TMEM207: variants seen among roughly 807,000 people sequenced by gnomAD.
TMEM207 encodes the protein SRSR846.
TMEM207 carries 15 observed loss-of-function variants against 17.4 expected under a neutral mutation model. The observed-to-expected ratio is 0.86, with a 90% CI of 0.58 to 1.33. TMEM207 has a LOEUF of 1.33. Among genes scored for constraint, TMEM207 ranks in the 40% most tolerant of loss-of-function variants. TMEM207 has a pLI of 0.00. For synonymous variants in TMEM207, 70 were observed against 65.6 expected (o/e 1.07, Z -0.33); for missense variants, 205 against 173.8 (o/e 1.18, Z -1.01).
intron 4 of TMEM207, among the ~76,000 whole-genome samples, chr3:190,434,392 G>T (rs941245146): frequency 2.6e-5 from 4 of 151,964 alleles, no homozygotes; most frequent in East Asian, 1.9e-4. Flanking sequence ...TTTTATCAGG[G>T]GTTTCCACTT....
At chr3:190,447,166 G>A (rs1720069751) in intron 2 of TMEM207, among the ~76,000 whole-genome samples, 1 of 152,022 alleles carries the variant, frequency 6.6e-6, no homozygotes, top group Non-Finnish European at 1.5e-5. Flanking sequence ...CTGCAAGCAG[G>A]AGAAGATAGT....
chr3:190,439,958 C>T (rs1318828333), intron 4 of TMEM207, among the ~76,000 whole-genome samples: 1 of 152,154 alleles, frequency 6.6e-6, no homozygotes, highest in Non-Finnish European at 1.5e-5. Context: ...CCTGGACTGC[C>T]CAGCCCTGCA....
At chr3:190,446,199 T>C (rs1720041403) in intron 2 of TMEM207, among the ~76,000 whole-genome samples, 2 of 152,214 alleles carry the variant, frequency 1.3e-5, no homozygotes, top group Admixed American at 6.5e-5. Flanking sequence ...TATGGTCTCT[T>C]GGCTGGGTAG....
At chr3:190,436,402 T>C (rs539243969) in intron 4 of TMEM207, among the ~76,000 whole-genome samples, 7 of 152,298 alleles carry the variant, frequency 4.6e-5, no homozygotes, top group Admixed American at 3.9e-4. Flanking sequence ...TTCCAGAGAT[T>C]TCTCATTTTT....
At chr3:190,432,368 G>A (rs1023860702) in intron 4 of TMEM207, among the ~76,000 whole-genome samples, 26 of 152,148 alleles carry the variant, frequency 1.7e-4, no homozygotes, top group Non-Finnish European at 3.5e-4. Context: ...TAATCTCTAA[G>A]TGCCTTTGTT....
intron 1 of TMEM207, among the ~76,000 whole-genome samples, chr3:190,448,234 T>C (rs986030460): frequency 2.0e-5 from 3 of 152,020 alleles, no homozygotes; most frequent in Non-Finnish European, 4.4e-5. Context: ...AAGTTCCAAG[T>C]ACATACATGG....
chr3:190,440,281 C>T lies in TMEM207; in HGVS notation c.267G>A (p.Met89Ile). 3 of 1,614,058 alleles carry T rather than the reference C, an allele frequency of 1.9e-6. No individual in the cohort carries two copies. The highest frequency in any genetic ancestry group is 2.5e-6 in the Non-Finnish European group (3 of 1,179,992). ...CCAAGTCTCCAACAGCAAAAACTGC[C>T]ATGGTGCGCCTGTGAGAATCAATTC... ...RPRIDSHRRT[M>I]AVFAVGDLDS... Residue 89 changes from methionine (M) to isoleucine (I), a missense_variant, in exon 4 of 5, where the codon ATG becomes ATA. Met to Ile is a conservative substitution (Grantham distance 10). Transcript: ENST00000354905.
chr3:190,447,911 G>A, intron 1 of TMEM207, 84 bp from the exon 2 acceptor site: 1 of 1,283,544 alleles, frequency 7.8e-7, no homozygotes, highest in African/African-American at 1.5e-5. Flanking sequence ...AGACAATGTG[G>A]GTTTATATCA....
chr3:190,428,660 G>C lies in TMEM207; in HGVS notation c.*935C>G, dbSNP rs1174046755. On this transcript the variant is annotated 3_prime_UTR_variant, in exon 5 of 5. Transcript: ENST00000354905. ...ATAAGTTTGGTCAAACTAAATTTTAGATATCTATTGATGTTTATTGTTTTG... is the reference window on the plus strand; with the variant it reads ...ATAAGTTTGGTCAAACTAAATTTTACATATCTATTGATGTTTATTGTTTTG... The C allele has an allele frequency of 6.6e-6, 1 of 152,166 alleles. No homozygotes were observed. Among genetic ancestry groups the C allele is most frequent in the African/African-American group, 2.4e-5 (1 of 41,440 alleles). 9.4% of individuals were successfully genotyped at this position (152,166 alleles called of 1,614,324 possible).
chr3:190,447,759 A>G (rs748923223), intron 2 of TMEM207, 31 bp downstream of exon 2: 2 of 1,605,632 alleles, frequency 1.2e-6, no homozygotes, highest in South Asian at 1.1e-5. Context: ...AATGCGAAAT[A>G]AAAACATGGA....
intron 2 of TMEM207, among the ~76,000 whole-genome samples, chr3:190,445,831 TTTTG>T (rs900850333): frequency 3.5e-4 from 53 of 152,120 alleles, no homozygotes; most frequent in African/African-American, 1.1e-3. Flanking sequence ...GGTCGACCAG[TTTTG>T]TTTGTTTGTT....
chr3:190,439,798 G>A (rs376320067), intron 4 of TMEM207, among the ~76,000 whole-genome samples: 5 of 152,232 alleles, frequency 3.3e-5, no homozygotes, highest in Admixed American at 6.5e-5. Flanking sequence ...TGCATTGACC[G>A]CAGACATCTG....
intron 4 of TMEM207, among the ~76,000 whole-genome samples, chr3:190,430,528 T>C (rs1719670254): frequency 1.3e-5 from 2 of 151,104 alleles, no homozygotes; most frequent in South Asian, 4.1e-4. Flanking sequence ...TTTATATATA[T>C]ATATATGTAT....
intron 4 of TMEM207, among the ~76,000 whole-genome samples, chr3:190,434,823 G>T (rs1719766211): frequency 1.3e-5 from 2 of 152,206 alleles, no homozygotes; most frequent in African/African-American, 4.8e-5. Flanking sequence ...GGATCCAGAA[G>T]ATGAGTGAAG....
chr3:190,448,494 A>G (rs771094351), intron 1 of TMEM207, among the ~76,000 whole-genome samples: 5 of 152,140 alleles, frequency 3.3e-5, no homozygotes, highest in Non-Finnish European at 7.4e-5. Flanking sequence ...AGGTTACAAC[A>G]TCTCATATAC....
chr3:190,438,960 C>T (rs537254577), intron 4 of TMEM207, among the ~76,000 whole-genome samples: 265 of 152,058 alleles, frequency 1.7e-3, no homozygotes, highest in African/African-American at 6.0e-3. Context: ...GAGGCCGAGG[C>T]GGGCGGATCA....
chr3:190,429,527 T>C lies in TMEM207; in HGVS notation c.*68A>G, dbSNP rs533500241. 1.2e-5 allele frequency: 19 copies of C among 1,574,566 alleles called. No homozygotes were observed. In the Admixed American group the frequency reaches 3.2e-4, roughly 27 times the overall value. ...ACATTTCCAACAACTGAAATAACTATTCCTAAATTTGATGTTTTGGAATTA... is the reference window on the plus strand; with the variant it reads ...ACATTTCCAACAACTGAAATAACTACTCCTAAATTTGATGTTTTGGAATTA... On this transcript the variant is annotated 3_prime_UTR_variant, in exon 5 of 5. Transcript: ENST00000354905.
chr3:190,446,210 T>C (rs991858089), intron 2 of TMEM207, among the ~76,000 whole-genome samples: 1 of 152,202 alleles, frequency 6.6e-6, no homozygotes, highest in Admixed American at 6.5e-5. Context: ...GGCTGGGTAG[T>C]GTATTTTATC....
In TMEM207 at chr3:190,444,328, G is replaced by T; in HGVS notation, c.114-2846C>A. On this transcript the variant is annotated intron_variant, in intron 2 of 4. Coordinates refer to ENST00000354905, the MANE Select transcript of TMEM207 (RefSeq NM_207316.3). The stretch of plus-strand genomic sequence containing the variant: ...GCGCAAGTTAGCATAGCTGGAAGTG[G>T]TAGAAGTAGGTTTTCAACCCAAATG... 7.2e-6 allele frequency: 5 copies of T among 698,970 alleles called. No individual in the cohort carries two copies. The South Asian group carries it at 2.6e-4, about 36-fold the overall frequency. The allele number at this position is 698,970 out of a possible 1,614,324, so 43.3% of individuals were successfully genotyped here. A position where few individuals can be genotyped will look rare whatever the true frequency, so the allele number is the denominator to read the frequency against.
Sources: allele counts gnomAD v4.1 joint callset (sites outside exome capture counted in the v4.1 genomes callset), GRCh38; gene constraint gnomAD v4.1.1; transcripts MANE v1.5; gene names NCBI Gene and HGNC (gene_info 2026-07-23, HGNC 2026-07-21).